Variants in TACC2 observed in about 807,000 individuals in gnomAD.
TACC2 encodes the protein transforming acidic coiled-coil-containing protein 2.
Under a neutral mutation model 227.3 loss-of-function variants are expected in TACC2, and 137 were observed. The observed-to-expected ratio is 0.60, with a 90% CI of 0.52 to 0.69. The LOEUF is 0.69. Among genes scored for constraint, TACC2 ranks in the 30% least tolerant of loss-of-function variants. The pLI, the probability that TACC2 is intolerant of heterozygous loss-of-function variation, is 0.00. For missense variants in TACC2, 3,470 were observed against 3,694.4 expected (o/e 0.94, Z 1.57); for synonymous variants, 1,523 against 1,487.5 (o/e 1.02, Z -0.55).
At chr10:121,998,487 C>T (rs1953854089) in intron 1 of TACC2, among the ~76,000 whole-genome samples, 1 of 152,054 alleles carries the variant, frequency 6.6e-6, no homozygotes, top group Non-Finnish European at 1.5e-5. Flanking sequence ...AAATTTGTTC[C>T]TGTTATTCTA....
chr10:122,123,297 G>T (rs61871558), intron 5 of TACC2, among the ~76,000 whole-genome samples: 1 of 152,178 alleles, frequency 6.6e-6, no homozygotes, highest in East Asian at 1.9e-4. Flanking sequence ...GAGCCACCGC[G>T]CCTGGCCTGG....
chr10:122,095,482 A>G (rs752984690), intron 5 of TACC2, among the ~76,000 whole-genome samples: 1 of 152,196 alleles, frequency 6.6e-6, no homozygotes, highest in African/African-American at 2.4e-5. Context: ...CTCTGGGCCA[A>G]TGTACTTCCA....
In TACC2 at chr10:122,050,285, C is replaced by T; in HGVS notation, c.34-153C>T. 1 of 638,232 alleles carries T rather than the reference C, an allele frequency of 1.6e-6. No individual in the cohort carries two copies. The highest frequency in any genetic ancestry group is 3.7e-4 in the Middle Eastern group (1 of 2,680). 39.5% of individuals were successfully genotyped at this position (638,232 alleles called of 1,614,324 possible). The stretch of plus-strand genomic sequence containing the variant: ...TGCCATATATCCTCAAGGCCTAGCT[C>T]AGTGCCGCACATAGTAGGTGTTTCG... On this transcript the variant is annotated intron_variant, in intron 2 of 22. Transcript: ENST00000369005. The surrounding 1 kb of genome is among the most constrained non-coding windows in gnomAD (Gnocchi z 4.6).
At chr10:122,217,040 T>C in intron 11 of TACC2, 1 of 983,846 alleles carries the variant, frequency 1.0e-6, no homozygotes. Flanking sequence ...CCAAGACTCC[T>C]GCTAAGAGCC....
chr10:122,009,575 A>T (rs2135298813), intron 1 of TACC2, among the ~76,000 whole-genome samples: 1 of 152,308 alleles, frequency 6.6e-6, no homozygotes, highest in South Asian at 2.1e-4. Context: ...GAGAAGTATA[A>T]ACTGGCCAAA....
At chr10:121,999,235 C>T (rs2135023737) in intron 1 of TACC2, among the ~76,000 whole-genome samples, 1 of 152,214 alleles carries the variant, frequency 6.6e-6, no homozygotes, top group Middle Eastern at 3.4e-3. Flanking sequence ...TCTCAATCTC[C>T]TGAACTCGTG....
At chr10:122,108,442 CTTTT>C (rs34097153) in intron 5 of TACC2, among the ~76,000 whole-genome samples, 1 of 90,020 alleles carries the variant, frequency 1.1e-5, no homozygotes, top group Admixed American at 1.7e-4. Flanking sequence ...GTCATATTTT[CTTTT>C]TTTTTTTTTT....
At chr10:122,119,420 T>C (rs890374315) in intron 5 of TACC2, among the ~76,000 whole-genome samples, 1 of 152,184 alleles carries the variant, frequency 6.6e-6, no homozygotes, top group Non-Finnish European at 1.5e-5. Flanking sequence ...GTGATTTCTG[T>C]GCCCAGTGTT....
At chr10:122,007,704 C>T (rs1035797200) in intron 1 of TACC2, among the ~76,000 whole-genome samples, 24 of 152,122 alleles carry the variant, frequency 1.6e-4, no homozygotes, top group African/African-American at 5.1e-4. Context: ...TCATAGAACT[C>T]TAACTTTTCT....
chr10:122,007,890 G>A (rs1955380377), intron 1 of TACC2, among the ~76,000 whole-genome samples: 1 of 152,096 alleles, frequency 6.6e-6, no homozygotes, highest in Non-Finnish European at 1.5e-5. Context: ...TGATGGGAGT[G>A]GGTTAGTTAT....
At chr10:122,183,439 G>T (rs1357892103) in intron 7 of TACC2, among the ~76,000 whole-genome samples, 1 of 152,134 alleles carries the variant, frequency 6.6e-6, no homozygotes. Context: ...TTCCTGCAGA[G>T]GTCTGGGAAG....
In TACC2 at chr10:122,040,506, T is replaced by TGAGCTCC. The variant is rs1379014088; in HGVS notation, c.34-9931_34-9925dup. Among the ~76,000 whole-genome samples the TGAGCTCC allele has an allele frequency of 2.0e-5, 3 of 152,172 alleles. No individual in the cohort carries two copies. The East Asian group carries it at 5.8e-4, about 29-fold the overall frequency. ...TCTGGAGAGCCCTACAGGGGACATC[T>TGAGCTCC]GAGCTCCAAGCTCCAAGCATGTGGA... On this transcript the variant is annotated intron_variant, in intron 2 of 22. Coordinates refer to ENST00000369005, the MANE Select transcript of TACC2 (RefSeq NM_206862.4).
chr10:122,188,437 G>T (rs1031850519), intron 7 of TACC2, among the ~76,000 whole-genome samples: 1 of 152,020 alleles, frequency 6.6e-6, no homozygotes. Context: ...GCGCCACCAC[G>T]CCTGGCTAAT....
At chr10:122,080,225 G>GTTTTTTT (rs57690157) in intron 3 of TACC2, among the ~76,000 whole-genome samples, 1 of 127,232 alleles carries the variant, frequency 7.9e-6, no homozygotes, top group Admixed American at 8.0e-5. Flanking sequence ...TTTTTTTTTT[G>GTTTTTTT]TTTTTTTTTT....
intron 19 of TACC2, among the ~76,000 whole-genome samples, chr10:122,242,215 C>T (rs1372824514): frequency 6.6e-6 from 1 of 152,318 alleles, no homozygotes; most frequent in Non-Finnish European, 1.5e-5. Flanking sequence ...GCATTATTCA[C>T]ACCCATGGAA....
At chr10:122,228,761 G>A (rs1052403653) in intron 14 of TACC2, among the ~76,000 whole-genome samples, 3 of 152,120 alleles carry the variant, frequency 2.0e-5, no homozygotes, top group African/African-American at 4.8e-5. Context: ...GCAGTTGGAT[G>A]CTGGGGTGGA....
intron 8 of TACC2, among the ~76,000 whole-genome samples, chr10:122,196,214 T>C (rs1252838666): frequency 3.9e-5 from 6 of 152,152 alleles, no homozygotes; most frequent in Admixed American, 3.9e-4. Flanking sequence ...TAGAAAGAAA[T>C]GGGTGGAATT....
intron 17 of TACC2, 89 bp downstream of exon 17, chr10:122,237,627 G>A (rs1012689826): frequency 4.2e-5 from 62 of 1,492,646 alleles, no homozygotes; most frequent in Non-Finnish European, 5.5e-5. Flanking sequence ...TTTGGAGACA[G>A]ACTTTGTCCT....
At chr10:122,076,116 A>C (rs2078776098) in intron 3 of TACC2, among the ~76,000 whole-genome samples, 1 of 151,998 alleles carries the variant, frequency 6.6e-6, no homozygotes, top group African/African-American at 2.4e-5. Flanking sequence ...TCTTACGGTT[A>C]TGGAGGCTGA....
Sources: gnomAD v4.1 joint callset for allele counts (sites outside exome capture counted in the v4.1 genomes callset) on GRCh38, gnomAD v4.1.1 for gene constraint, Gnocchi (gnomAD v3.1) non-coding constraint, MANE v1.5 for transcripts, NCBI Gene and HGNC (gene_info 2026-07-23, HGNC 2026-07-21) for gene names.